CREB1: variants seen among roughly 807,000 people sequenced by gnomAD.
CREB1 encodes cyclic AMP-responsive element-binding protein 1.
In CREB1, 2 loss-of-function variants were observed where a neutral mutation model predicts 42.0. The ratio of observed to expected loss-of-function variants is 0.05; its 90% CI spans 0.02 to 0.15. CREB1 has a LOEUF of 0.15. CREB1 is among the 10% of genes least tolerant of loss of function. CREB1 has a pLI of 1.00. For synonymous variants in CREB1, 123 were observed against 139.9 expected, an observed-to-expected ratio of 0.88 and a Z score of 0.85; for missense variants, 199 against 388.9, an observed-to-expected ratio of 0.51 and a Z score of 4.11.
intron 1 of CREB1, among the ~76,000 whole-genome samples, chr2:207,537,545 G>GT: frequency 6.6e-6 from 1 of 152,314 alleles, no homozygotes; most frequent in Non-Finnish European, 1.5e-5. Flanking sequence ...GAACGTGGTT[G>GT]TTTTTTCTCT....
chr2:207,552,376 T>TGA (rs2081543350), intron 1 of CREB1, among the ~76,000 whole-genome samples: 1 of 152,042 alleles, frequency 6.6e-6, no homozygotes, highest in Admixed American at 6.6e-5. Flanking sequence ...TAAATAAAAA[T>TGA]GAAAGAAATG....
In CREB1 at chr2:207,604,920, T is replaced by A. The variant is rs190734638; in HGVS notation, c.*7862T>A. Among the ~76,000 whole-genome samples, 2 of 152,368 alleles carry A rather than the reference T, an allele frequency of 1.3e-5. No individual in the cohort carries two copies. The highest frequency in any genetic ancestry group is 2.9e-5 in the Non-Finnish European group (2 of 68,044). On this transcript the variant is annotated 3_prime_UTR_variant, in exon 8 of 8. Transcript: ENST00000353267. The stretch of plus-strand genomic sequence containing the variant: ...TCACTACTTCATTCCTTTTTATAGC[T>A]AAGTATACTTTTTATAGTAAGTATG...
At chr2:207,575,947 C>CG (rs1436964918) in intron 6 of CREB1, among the ~76,000 whole-genome samples, 1 of 56,592 alleles carries the variant, frequency 1.8e-5, no homozygotes, top group Non-Finnish European at 4.4e-5. Flanking sequence ...CCCCCCCCCC[C>CG]CAAAAGAAAT....
intron 6 of CREB1, among the ~76,000 whole-genome samples, chr2:207,576,112 G>C (rs17811997): frequency 0.054 from 8,239 of 151,384 alleles, 324 homozygotes; most frequent in Middle Eastern, 0.13. Flanking sequence ...CTCTGCACTT[G>C]ACTCAGTTTT....
chr2:207,567,709 G>A (rs2082192102), intron 4 of CREB1, 146 bp downstream of exon 4: 1 of 515,004 alleles, frequency 1.9e-6, no homozygotes, highest in African/African-American at 1.9e-5. Flanking sequence ...CTCAAATAAA[G>A]TGGAAGCTTA....
intron 6 of CREB1, chr2:207,576,905 A>G (rs2082619506): frequency 1.1e-6 from 1 of 907,574 alleles, no homozygotes. Flanking sequence ...AGTTAGAAAA[A>G]TAAAACTTCA....
At chr2:207,569,323 T>TATA (rs1559291696) in intron 4 of CREB1, among the ~76,000 whole-genome samples, 1 of 152,192 alleles carries the variant, frequency 6.6e-6, no homozygotes, top group Non-Finnish European at 1.5e-5. Context: ...AACACCCATA[T>TATA]TTCCTTAAAT....
chr2:207,605,038 G>A lies in CREB1; in HGVS notation c.*7980G>A, dbSNP rs1184166493. On this transcript the variant is annotated 3_prime_UTR_variant, in exon 8 of 8. Coordinates refer to ENST00000353267, the MANE Select transcript of CREB1 (RefSeq NM_004379.5). The stretch of plus-strand genomic sequence containing the variant: ...GTTCATAGTGCTGTTATGAATGTTC[G>A]TGTACAAGTATTTGAGTCCGTGTTT... Among the ~76,000 whole-genome samples the A allele has an allele frequency of 6.6e-6, 1 of 152,120 alleles. No homozygotes were observed. Among genetic ancestry groups the A allele is most frequent in the Non-Finnish European group, 1.5e-5 (1 of 68,024 alleles).
intron 7 of CREB1, among the ~76,000 whole-genome samples, chr2:207,588,728 GTTTT>G (rs58013876): frequency 1.5e-5 from 2 of 134,950 alleles, no homozygotes; most frequent in African/African-American, 2.9e-5. Context: ...CTGTTTTCTG[GTTTT>G]TTTTTTTTTT....
chr2:207,555,652 G>A lies in CREB1; in HGVS notation c.17G>A (p.Gly6Glu), dbSNP rs2081687588. The A allele has an allele frequency of 6.2e-7, 1 of 1,611,986 alleles. No homozygotes were observed. The highest frequency in any genetic ancestry group is 8.5e-7 in the Non-Finnish European group (1 of 1,178,576). Residue 6 changes from glycine (G) to glutamate (E), a missense_variant, in exon 2 of 8, where the codon GGA becomes GAA. Coordinates refer to ENST00000353267, the MANE Select transcript of CREB1 (RefSeq NM_004379.5). ...GGTAACTAAATGACCATGGAATCTG[G>A]AGCCGAGAACCAGCAGAGTGGAGAT... MTMES[G>E]AENQQSGDAA...
intron 1 of CREB1, among the ~76,000 whole-genome samples, chr2:207,532,293 G>A (rs1203902430): frequency 2.0e-5 from 3 of 150,352 alleles, no homozygotes; most frequent in African/African-American, 7.4e-5. Flanking sequence ...ATGCACTTCA[G>A]CCTGGGCGAC....
chr2:207,560,370 C>A lies in CREB1; in HGVS notation c.259C>A (p.Gln87Lys), dbSNP rs752023280. The change falls in exon 3 of 8, where the codon CAG becomes AAG. Residue 87 changes from glutamine to lysine, a missense_variant and splice_region_variant. Gln to Lys is a moderately conservative substitution (Grantham distance 53, BLOSUM62 1). Transcript: ENST00000353267. ...TCAGTCTCCACAAGTCCAAACAGTT[C>A]AGGTATGTGTATAAAAAGTTCTGCA... ...VIQSPQVQTV[Q>K]ISTIAESEDS... 6.2e-7 allele frequency: 1 copy of A among 1,611,264 alleles called. No individual in the cohort carries two copies. The highest frequency in any genetic ancestry group is 2.2e-5 in the East Asian group (1 of 44,858).
intron 1 of CREB1, among the ~76,000 whole-genome samples, chr2:207,535,337 A>G (rs982224598): frequency 7.9e-5 from 12 of 152,102 alleles, no homozygotes; most frequent in African/African-American, 2.4e-4. Context: ...TGAACAGACT[A>G]CTTCTTTCAA....
intron 7 of CREB1, among the ~76,000 whole-genome samples, chr2:207,590,180 C>G (rs2084742679): frequency 7.1e-6 from 1 of 141,216 alleles, no homozygotes; most frequent in Non-Finnish European, 1.5e-5. Context: ...AGACATTGGT[C>G]CATTTCTTCA....
intron 7 of CREB1, among the ~76,000 whole-genome samples, chr2:207,578,217 A>C (rs900235607): frequency 6.6e-6 from 1 of 152,222 alleles, no homozygotes; most frequent in Admixed American, 6.5e-5. Flanking sequence ...AAAATACTAC[A>C]TTCAAAATCT....
In CREB1 at chr2:207,567,583, G is replaced by C; in HGVS notation, c.362+20G>C. On this transcript the variant is annotated intron_variant, in intron 4 of 7. Transcript: ENST00000353267. ...CTACAGGTATGGAATTTAATAGTTA[G>C]AATCAAAGATGTGGAGGAAGTCTTA... The C allele has an allele frequency of 6.5e-7, 1 of 1,550,348 alleles. No individual in the cohort carries two copies. Among genetic ancestry groups the C allele is most frequent in the Non-Finnish European group, 8.9e-7 (1 of 1,124,068 alleles).
rs1403615448 is a variant in CREB1 at position 207,575,946 on chromosome 2, C to G, written c.688+492C>G. Among the ~76,000 whole-genome samples the G allele has an allele frequency of 7.8e-4, 53 of 68,308 alleles. 8 individuals carry two copies. The highest frequency in any genetic ancestry group is 1.5e-3 in the Non-Finnish European group (39 of 25,510). 44.8% of individuals were successfully genotyped at this position (68,308 alleles called of 152,430 possible). A position where few individuals can be genotyped will look rare whatever the true frequency, so the allele number is the denominator to read the frequency against. On this transcript the variant is annotated intron_variant, in intron 6 of 7. Coordinates refer to ENST00000353267, the MANE Select transcript of CREB1 (RefSeq NM_004379.5). ...CTGTTTCTCTGCTTCCCCCCCCCCC[C>G]CCAAAAGAAATTTAAATCTTCTGAG...
Position 207,530,079 on chromosome 2 carries a change from C to T in CREB1, c.-64C>T, listed in dbSNP as rs2080523423. 6.5e-6 allele frequency: 1 copy of T among 153,030 alleles called. No homozygotes were observed. Among genetic ancestry groups the T allele is most frequent in the Non-Finnish European group, 1.5e-5 (1 of 68,522 alleles). 9.5% of individuals were successfully genotyped at this position (153,030 alleles called of 1,614,324 possible). A position where few individuals can be genotyped will look rare whatever the true frequency, so the allele number is the denominator to read the frequency against. On this transcript the variant is annotated 5_prime_UTR_variant, in exon 1 of 8. Transcript: ENST00000353267. ...GTGTTACGTGGGGGAGAGAATAAAA[C>T]TCCAGCGAGATCCGGGCCGTGAACG...
At chr2:207,568,736 T>G (rs2082236140) in intron 4 of CREB1, among the ~76,000 whole-genome samples, 1 of 152,176 alleles carries the variant, frequency 6.6e-6, no homozygotes, top group Non-Finnish European at 1.5e-5. Context: ...AGGGGTTTTT[T>G]CCCACCTTTC....
Sources: gnomAD v4.1 joint callset for allele counts (sites outside exome capture counted in the v4.1 genomes callset) on GRCh38, gnomAD v4.1.1 for gene constraint, MANE v1.5 for transcripts, NCBI Gene and HGNC (gene_info 2026-07-23, HGNC 2026-07-21) for gene names.